Variants in PAPPA observed in about 807,000 individuals in gnomAD.
The protein encoded by PAPPA is pappalysin-1.
In PAPPA, 60 loss-of-function variants were observed where a neutral mutation model predicts 164.0. The ratio of observed to expected loss-of-function variants is 0.37; its 90% CI spans 0.30 to 0.45. The LOEUF (loss-of-function observed/expected upper bound fraction) is 0.45, where lower values mean the gene tolerates loss of function less well. Among genes scored for constraint, PAPPA ranks in the 20% least tolerant of loss-of-function variants. The pLI is 1.00. For synonymous variants in PAPPA, 875 were observed against 814.1 expected, an observed-to-expected ratio of 1.07 and a Z score of -1.27; for missense variants, 1,782 against 2,087.3, an observed-to-expected ratio of 0.85 and a Z score of 2.85.
intron 10 of PAPPA, among the ~76,000 whole-genome samples, chr9:116,309,648 G>A (rs1302964315): frequency 1.3e-5 from 2 of 152,102 alleles, no homozygotes; most frequent in East Asian, 1.9e-4. Context: ...ACGGGAGAGG[G>A]AGGAAAGAAT....
chr9:116,252,843 T>A (rs571892668), intron 7 of PAPPA, among the ~76,000 whole-genome samples: 1 of 152,196 alleles, frequency 6.6e-6, no homozygotes, highest in African/African-American at 2.4e-5. Flanking sequence ...CTGTTCTTAA[T>A]CTAGAAAAAT....
At chr9:116,167,779 A>G (rs935660078) in intron 1 of PAPPA, among the ~76,000 whole-genome samples, 2 of 152,196 alleles carry the variant, frequency 1.3e-5, no homozygotes, top group African/African-American at 4.8e-5. Context: ...CTTTACAGAA[A>G]AGCCCCTCAA....
chr9:116,196,752 C>A (rs1844109777), intron 2 of PAPPA, among the ~76,000 whole-genome samples: 1 of 152,152 alleles, frequency 6.6e-6, no homozygotes, highest in South Asian at 2.1e-4. Flanking sequence ...CTCCTTTCTC[C>A]TTTCTTCTCT....
chr9:116,398,695 A>C lies in PAPPA; in HGVS notation c.*2079A>C, dbSNP rs917630770. On this transcript the variant is annotated 3_prime_UTR_variant, in exon 22 of 22. Coordinates refer to ENST00000328252, the MANE Select transcript of PAPPA (RefSeq NM_002581.5). ...TAGTTTATGAGACTTGTACCATTTCACAAACTCTGAAATTGGGTTCCATAT... is the reference window on the plus strand; with the variant it reads ...TAGTTTATGAGACTTGTACCATTTCCCAAACTCTGAAATTGGGTTCCATAT... 16 of 487,296 alleles carry C rather than the reference A, an allele frequency of 3.3e-5. No individual in the cohort carries two copies. Among genetic ancestry groups the C allele is most frequent in the Non-Finnish European group, 6.3e-5 (16 of 255,538 alleles). 30.2% of individuals were successfully genotyped at this position (487,296 alleles called of 1,614,324 possible).
At chr9:116,290,728 T>A (rs911158144) in intron 9 of PAPPA, among the ~76,000 whole-genome samples, 3 of 151,984 alleles carry the variant, frequency 2.0e-5, no homozygotes, top group Admixed American at 6.6e-5. Flanking sequence ...GGAGATACAA[T>A]CACACTAAAA....
chr9:116,312,581 T>G (rs2418442), intron 10 of PAPPA, among the ~76,000 whole-genome samples: 139,423 of 151,954 alleles, frequency 0.92, 65,042 homozygotes, highest in East Asian at 1. Context: ...GGTTTTGAGG[T>G]GAGTTAGAGT....
At chr9:116,202,813 C>T (rs1246488100) in intron 2 of PAPPA, among the ~76,000 whole-genome samples, 2 of 152,162 alleles carry the variant, frequency 1.3e-5, no homozygotes, top group East Asian at 1.9e-4. Flanking sequence ...TTTGAGGCTC[C>T]AAAAATTCTT....
chr9:116,388,618 T>G lies in PAPPA; in HGVS notation c.4776+6125T>G, dbSNP rs574376217. Reference sequence around the variant, plus strand: ...GCCAGACTCACTTTGGGTTTTTATGTTTTGATATTTGAATTAGATTCCTGT... The same window carrying G: ...GCCAGACTCACTTTGGGTTTTTATGGTTTGATATTTGAATTAGATTCCTGT... On this transcript the variant is annotated intron_variant, in intron 21 of 21. Transcript: ENST00000328252. 1.2e-4 allele frequency among the ~76,000 whole-genome samples: 18 copies of G among 152,296 alleles called. No homozygotes were observed. The South Asian group carries it at 3.5e-3, about 30-fold the overall frequency.
At chr9:116,265,733 A>G in intron 7 of PAPPA, 124 bp from the exon 8 acceptor site, 1 of 706,732 alleles carries the variant, frequency 1.4e-6, no homozygotes, top group Non-Finnish European at 2.4e-6. Flanking sequence ...GGATAGCTAA[A>G]TGTGCATTTG....
intron 7 of PAPPA, among the ~76,000 whole-genome samples, chr9:116,237,208 C>G (rs559591421): frequency 6.6e-6 from 1 of 152,350 alleles, no homozygotes; most frequent in South Asian, 2.1e-4. Flanking sequence ...GTGCACATCA[C>G]AGGCAAACTC....
At position 116,319,395 on chromosome 9, in the gene PAPPA, A is replaced by G. The variant is rs560598100; in HGVS notation, c.3148-11849A>G. ...CAATGCCTGGCTGTACTGTCTGCAG[A>G]ACGGGGAGCTGATGCCAACCCCATG... is the stretch of plus-strand genomic sequence containing the variant. On this transcript the variant is annotated intron_variant, in intron 10 of 21. Coordinates refer to ENST00000328252, the MANE Select transcript of PAPPA (RefSeq NM_002581.5). Among the ~76,000 whole-genome samples, 18 of 152,334 alleles carry G rather than the reference A, an allele frequency of 1.2e-4. No individual in the cohort carries two copies. In the South Asian group the frequency reaches 3.3e-3, roughly 28 times the overall value.
intron 7 of PAPPA, among the ~76,000 whole-genome samples, chr9:116,264,258 T>A (rs1303782930): frequency 6.6e-6 from 1 of 152,162 alleles, no homozygotes; most frequent in Non-Finnish European, 1.5e-5. Context: ...ATAAACCCTA[T>A]AATTCTATCA....
At chr9:116,284,869 T>C (rs1453385122) in intron 9 of PAPPA, among the ~76,000 whole-genome samples, 2 of 152,166 alleles carry the variant, frequency 1.3e-5, no homozygotes, top group East Asian at 3.9e-4. Flanking sequence ...ATCATTACTC[T>C]ACCTGAGGCC....
At chr9:116,340,333 G>A (rs898419021) in intron 13 of PAPPA, among the ~76,000 whole-genome samples, 31 of 152,306 alleles carry the variant, frequency 2.0e-4, no homozygotes, top group African/African-American at 7.2e-4. Flanking sequence ...TGGACAGTGT[G>A]TTCACACAAC....
At chr9:116,230,719 T>C (rs1445559502) in intron 6 of PAPPA, among the ~76,000 whole-genome samples, 2 of 152,188 alleles carry the variant, frequency 1.3e-5, no homozygotes, top group Non-Finnish European at 2.9e-5. Flanking sequence ...CTTGCCTTTG[T>C]TCATAGACAG....
At chr9:116,319,338 C>T (rs1009592811) in intron 10 of PAPPA, among the ~76,000 whole-genome samples, 55 of 152,202 alleles carry the variant, frequency 3.6e-4, no homozygotes, top group Non-Finnish European at 6.9e-4. Context: ...CCATCTCCTC[C>T]TCAAAACGGG....
At chr9:116,323,074 C>T (rs968802483) in intron 10 of PAPPA, among the ~76,000 whole-genome samples, 19 of 152,128 alleles carry the variant, frequency 1.2e-4, no homozygotes, top group African/African-American at 4.3e-4. Context: ...AATACCAGAG[C>T]CCCCGCTCCC....
rs1845595409 is a variant in PAPPA, at chr9:116,302,803, G to A, written c.3000G>A (p.Glu1000=). 6.2e-7 allele frequency: 1 copy of A among 1,614,030 alleles called. No homozygotes were observed. Among genetic ancestry groups the A allele is most frequent in the Non-Finnish European group, 8.5e-7 (1 of 1,179,962 alleles). ...CYFHDGDGVC[E]EFEQKTSIKD... is the part of the protein sequence containing the mutation. ...TCCATGATGGTGATGGGGTATGTGA[G>A]GAGTTTGAACAAAAAACCAGCATTA... The change falls in exon 10 of 22, where the codon GAG becomes GAA. Residue 1000 remains glutamate (E), a synonymous_variant. Transcript: ENST00000328252.
intron 17 of PAPPA, among the ~76,000 whole-genome samples, chr9:116,357,741 T>C (rs924916842): frequency 2.0e-5 from 3 of 152,116 alleles, no homozygotes; most frequent in Non-Finnish European, 2.9e-5. Flanking sequence ...GGGGGCTTTA[T>C]AGGTGAGTCA....
Sources: allele counts gnomAD v4.1 joint callset (sites outside exome capture counted in the v4.1 genomes callset), GRCh38; gene constraint gnomAD v4.1.1; transcripts MANE v1.5; gene names NCBI Gene and HGNC (gene_info 2026-07-23, HGNC 2026-07-21).